Variants in UGT1A5 observed in about 807,000 individuals in gnomAD.
The protein encoded by UGT1A5 is UDP-glucuronosyltransferase 1A5.
A neutral mutation model predicts 40.3 loss-of-function variants in UGT1A5; 29 were observed. That is an observed-to-expected ratio of 0.72 (90% CI 0.54 to 0.98). The LOEUF (loss-of-function observed/expected upper bound fraction) is 0.98, where lower values mean the gene tolerates loss of function less well. Among genes scored for constraint, UGT1A5 ranks in the 50% least tolerant of loss-of-function variants. The pLI, the probability that UGT1A5 is intolerant of heterozygous loss-of-function variation, is 0.00. For synonymous variants in UGT1A5, 257 were observed against 262.5 expected (o/e 0.98, Z 0.20); for missense variants, 678 against 677.9 (o/e 1.00, Z 0.00).
At chr2:233,728,823 T>G (rs1575576976) in intron 1 of UGT1A5, among the ~76,000 whole-genome samples, 2 of 152,200 alleles carry the variant, frequency 1.3e-5, no homozygotes, top group East Asian at 1.9e-4. Context: ...ATGAAATGGG[T>G]GTTCACAGCC....
chr2:233,766,292 T>C (rs1426642271), intron 1 of UGT1A5, among the ~76,000 whole-genome samples: 2 of 147,940 alleles, frequency 1.4e-5, no homozygotes, highest in African/African-American at 5.0e-5. Context: ...CTCGGTGGCC[T>C]GGGCTCTCCT....
In UGT1A5 at chr2:233,713,425, C is replaced by A. The variant is rs748267657; in HGVS notation, c.434C>A (p.Ser145Tyr). Reference protein sequence around the residue: ...EALIRHLHATSFDVVLTDPFH... With the variant: ...EALIRHLHATYFDVVLTDPFH... ...CTGATCAGGCACCTGCATGCTACTTCCTTTGATGTGGTTCTAACAGACCCC... is the reference window on the plus strand; with the variant it reads ...CTGATCAGGCACCTGCATGCTACTTACTTTGATGTGGTTCTAACAGACCCC... Residue 145 changes from serine to tyrosine, a missense_variant, in exon 1 of 5, where the codon TCC becomes TAC. Physicochemically the swap from Ser to Tyr is moderately radical, Grantham distance 144 (BLOSUM62 -2). Coordinates refer to ENST00000373414, the MANE Select transcript of UGT1A5 (RefSeq NM_019078.2). 1 of 1,614,122 alleles carries A rather than the reference C, an allele frequency of 6.2e-7. No homozygotes were observed. The highest frequency in any genetic ancestry group is 8.5e-7 in the Non-Finnish European group (1 of 1,180,030).
intron 1 of UGT1A5, chr2:233,744,109 G>C: frequency 2.5e-6 from 1 of 395,016 alleles, no homozygotes; most frequent in Non-Finnish European, 4.6e-6. Context: ...GACTGGCCCT[G>C]CTCTCTGTGA....
At chr2:233,760,317 A>G (rs772038779) in intron 1 of UGT1A5, 2 of 1,613,898 alleles carry the variant, frequency 1.2e-6, no homozygotes, top group African/African-American at 2.7e-5. Context: ...GCGGACGCCC[A>G]CTTGTCCTGG....
At chr2:233,717,980 G>A (rs1360094049) in intron 1 of UGT1A5, 3 of 443,956 alleles carry the variant, frequency 6.8e-6, no homozygotes, top group African/African-American at 6.1e-5. Context: ...TTCAGAAGAG[G>A]AATTCAGACT....
rs867393133 is a variant in UGT1A5 at position 233,772,500 on chromosome 2, C to T, written c.1546C>T (p.Arg516Trp). ...CTTTAAATGTTGTGCTTATGGCTACCGGAAATGCTTGGGGAAAAAAGGGCG... is the reference window on the plus strand; with the variant it reads ...CTTTAAATGTTGTGCTTATGGCTACTGGAAATGCTTGGGGAAAAAAGGGCG... ...ITFKCCAYGY[R>W]KCLGKKGRVK... Residue 516 changes from arginine (R) to tryptophan (W), a missense_variant, in exon 5 of 5, where the codon CGG becomes TGG. Arg to Trp is a moderately radical substitution (Grantham distance 101). Coordinates refer to ENST00000373414, the MANE Select transcript of UGT1A5 (RefSeq NM_019078.2). 25 of 1,614,078 alleles carry T rather than the reference C, an allele frequency of 1.5e-5. No homozygotes were observed. Among genetic ancestry groups the T allele is most frequent in the African/African-American group, 8.0e-5 (6 of 74,994 alleles).
In UGT1A5 at chr2:233,729,768, G is replaced by C. The variant is rs559236569; in HGVS notation, c.867+15910G>C. Reference sequence around the variant, plus strand: ...CATTCATGCAAAGGGTCAAGAACATGCTCTACCCTCTGGCCCTGTCCTACA... The same window carrying C: ...CATTCATGCAAAGGGTCAAGAACATCCTCTACCCTCTGGCCCTGTCCTACA... On this transcript the variant is annotated intron_variant, in intron 1 of 4. Coordinates refer to ENST00000373414, the MANE Select transcript of UGT1A5 (RefSeq NM_019078.2). The C allele has an allele frequency of 1.9e-6, 3 of 1,613,956 alleles. No individual in the cohort carries two copies. The highest frequency in any genetic ancestry group is 3.3e-5 in the Admixed American group (2 of 60,020).
At chr2:233,772,075 T>C (rs1032984731) in intron 4 of UGT1A5, among the ~76,000 whole-genome samples, 187 bp from the exon 5 acceptor site, 85 of 152,270 alleles carry the variant, frequency 5.6e-4, no homozygotes, top group Non-Finnish European at 1.0e-3. Flanking sequence ...CTTGTGCCAC[T>C]ACACTCCAGC....
At chr2:233,724,684 G>C (rs1018251695) in intron 1 of UGT1A5, among the ~76,000 whole-genome samples, 2 of 144,476 alleles carry the variant, frequency 1.4e-5, no homozygotes, top group Admixed American at 1.4e-4. Flanking sequence ...ATGGGATGGC[G>C]GCCGGGTGAA....
rs193257830 is a variant in UGT1A5, at chr2:233,736,992, G to T, written c.867+23134G>T. Among the ~76,000 whole-genome samples, 107 of 152,338 alleles carry T rather than the reference G, an allele frequency of 7.0e-4. 1 individual carries two copies. Among genetic ancestry groups the T allele is most frequent in the Non-Finnish European group, 1.1e-3 (75 of 68,030 alleles). Reference sequence around the variant, plus strand: ...TGTTTCCCAGTCAAGATACACAGAGGTCAGGGACCCGCTTGAGGAGGCAGT... The same window carrying T: ...TGTTTCCCAGTCAAGATACACAGAGTTCAGGGACCCGCTTGAGGAGGCAGT... On this transcript the variant is annotated intron_variant, in intron 1 of 4. Transcript: ENST00000373414.
intron 4 of UGT1A5, chr2:233,771,210 C>A: frequency 6.6e-6 from 1 of 152,206 alleles, no homozygotes. Context: ...GGACAAATAT[C>A]CAAACTGTAT....
intron 1 of UGT1A5, among the ~76,000 whole-genome samples, chr2:233,724,233 G>A (rs1323099966): frequency 1.2e-4 from 15 of 126,038 alleles, no homozygotes; most frequent in African/African-American, 3.9e-4. Context: ...CAGTAGGGGC[G>A]GCCGGGCAGA....
Position 233,772,431 on chromosome 2 carries a change from A to T in UGT1A5, c.1477A>T (p.Ile493Phe). ...GTACCAGTACCATTCCTTGGACGTG[A>T]TTGGTTTCCTCTTGGCCGTCGTGCT... ...TWYQYHSLDV[I>F]GFLLAVVLTV... The change falls in exon 5 of 5, where the codon ATT becomes TTT. Residue 493 changes from isoleucine to phenylalanine, a missense_variant. Ile to Phe is a conservative substitution (Grantham distance 21, BLOSUM62 0). Coordinates refer to ENST00000373414, the MANE Select transcript of UGT1A5 (RefSeq NM_019078.2). 1 of 1,614,128 alleles carries T rather than the reference A, an allele frequency of 6.2e-7. No individual in the cohort carries two copies. Among genetic ancestry groups the T allele is most frequent in the Non-Finnish European group, 8.5e-7 (1 of 1,180,030 alleles).
rs1269170912 is a variant in UGT1A5 at position 233,716,767 on chromosome 2, C to G, written c.867+2909C>G. Among the ~76,000 whole-genome samples, 2 of 152,200 alleles carry G rather than the reference C, an allele frequency of 1.3e-5. 1 individual carries two copies. The highest frequency in any genetic ancestry group is 1.3e-4 in the Admixed American group (2 of 15,278). On this transcript the variant is annotated intron_variant, in intron 1 of 4. Coordinates refer to ENST00000373414, the MANE Select transcript of UGT1A5 (RefSeq NM_019078.2). ...ATTGGGAGAGGGGAGCTAGATCACT[C>G]AGGTCAGGCTTTCGGGATGCCTTTT...
intron 1 of UGT1A5, among the ~76,000 whole-genome samples, chr2:233,757,869 G>C (rs1204071676): frequency 2.6e-5 from 4 of 151,938 alleles, no homozygotes; most frequent in African/African-American, 7.3e-5. Context: ...AAAGAAAGTA[G>C]CTTCAAAAGG....
chr2:233,737,911 GGC>G (rs1690629306), intron 1 of UGT1A5, among the ~76,000 whole-genome samples: 4 of 152,098 alleles, frequency 2.6e-5, no homozygotes, highest in African/African-American at 4.8e-5. Flanking sequence ...GTAAAGAACA[GGC>G]TAGTGTATTT....
At chr2:233,767,711 C>G (rs990338657) in intron 2 of UGT1A5, 138 bp from the exon 3 acceptor site, 47 of 1,530,966 alleles carry the variant, frequency 3.1e-5, no homozygotes, top group Non-Finnish European at 4.1e-5. Flanking sequence ...TCCTCAGAAG[C>G]CTTCACAGTT....
chr2:233,736,518 C>T (rs567664154), intron 1 of UGT1A5, among the ~76,000 whole-genome samples: 3 of 152,304 alleles, frequency 2.0e-5, no homozygotes, highest in Admixed American at 1.3e-4. Context: ...TCTGTCAACT[C>T]GTCAAAGTCA....
chr2:233,764,393 C>G (rs1698551622), intron 1 of UGT1A5, among the ~76,000 whole-genome samples: 7 of 152,218 alleles, frequency 4.6e-5, no homozygotes. Context: ...GCCGTGATGA[C>G]AACTTCTCTG....
Sources: allele counts gnomAD v4.1 joint callset (sites outside exome capture counted in the v4.1 genomes callset), GRCh38; gene constraint gnomAD v4.1.1; transcripts MANE v1.5; gene names NCBI Gene and HGNC (gene_info 2026-07-23, HGNC 2026-07-21).